Variants in ATP11C observed in about 807,000 individuals in gnomAD.
ATP11C encodes the protein phospholipid-transporting ATPase IG.
In ATP11C, 36 loss-of-function variants were observed where a neutral mutation model predicts 97.4. The observed-to-expected ratio is 0.37, with a 90% CI of 0.28 to 0.49. The LOEUF is 0.49. Among genes scored for constraint, ATP11C ranks in the 20% least tolerant of loss-of-function variants. The probability of loss-of-function intolerance (pLI) is 0.98; values close to 1 mark genes in which losing one functional copy is unlikely to be tolerated. For missense variants in ATP11C, 730 were observed against 824.6 expected, an observed-to-expected ratio of 0.89 and a Z score of 1.40; for synonymous variants, 275 against 290.9, an observed-to-expected ratio of 0.95 and a Z score of 0.56.
intron 13 of ATP11C, among the ~76,000 whole-genome samples, chrX:139,789,037 C>T (rs1256834373): frequency 9.1e-6 from 1 of 110,239 alleles, no homozygotes; most frequent in Non-Finnish European, 1.9e-5. Context: ...TCCGTTTCTA[C>T]TAAAAATACA....
intron 1 of ATP11C, among the ~76,000 whole-genome samples, chrX:139,863,032 G>C (rs934441785): frequency 9.0e-6 from 1 of 110,794 alleles, no homozygotes; most frequent in African/African-American, 3.3e-5. Context: ...GAGAAGAAAA[G>C]ACAAACAGGA....
At position 139,802,350 on chromosome X, in the gene ATP11C, G is replaced by A. The variant is rs1490132031; in HGVS notation, c.556-11C>T. The A allele has an allele frequency of 8.8e-7, 1 of 1,136,592 alleles. No individual in the cohort carries two copies. Among genetic ancestry groups the A allele is most frequent in the South Asian group, 1.9e-5 (1 of 51,497 alleles). The allele number at this position is 1,136,592 out of a possible 1,213,427, so 93.7% of individuals were successfully genotyped here. A position where few individuals can be genotyped will look rare whatever the true frequency, so the allele number is the denominator to read the frequency against. ...TACTGCATAATGTGTCTAGTTGAAA[G>A]CAGAAGAAAAAGTGAAAACCAAAAA... On this transcript the variant is annotated splice_polypyrimidine_tract_variant and intron_variant, in intron 6 of 29. Coordinates refer to ENST00000682941, the MANE Select transcript of ATP11C (RefSeq NM_001353812.2).
chrX:139,895,069 A>C (rs1234385294), intron 1 of ATP11C, among the ~76,000 whole-genome samples: 1 of 112,180 alleles, frequency 8.9e-6, no homozygotes, highest in Non-Finnish European at 1.9e-5. Context: ...AAAATTTTAA[A>C]AGTGAGTACT....
intron 2 of ATP11C, among the ~76,000 whole-genome samples, chrX:139,824,764 T>C (rs186773504): frequency 0.011 from 1,222 of 112,008 alleles, 10 homozygotes; most frequent in Non-Finnish European, 0.018. Flanking sequence ...CAGTGTTCCC[T>C]GCCTTAACAT....
At chrX:139,780,426 G>A (rs1399704143) in intron 18 of ATP11C, among the ~76,000 whole-genome samples, 3 of 109,564 alleles carry the variant, frequency 2.7e-5, no homozygotes, top group Non-Finnish European at 5.7e-5. Flanking sequence ...AATTCACCAC[G>A]TACGTAAAAT....
intron 1 of ATP11C, among the ~76,000 whole-genome samples, chrX:139,866,021 G>A (rs2084275557): frequency 9.0e-6 from 1 of 110,763 alleles, no homozygotes; most frequent in Non-Finnish European, 1.9e-5. Context: ...TATTTACTCT[G>A]TGCAGTAAAG....
intron 1 of ATP11C, among the ~76,000 whole-genome samples, chrX:139,915,275 AAAT>A (rs2085137637): frequency 8.9e-6 from 1 of 111,997 alleles, no homozygotes; most frequent in South Asian, 3.7e-4. Context: ...AAACTCACAA[AAAT>A]AATAACATTA....
intron 1 of ATP11C, among the ~76,000 whole-genome samples, chrX:139,888,933 G>A (rs1389329493): frequency 6.4e-5 from 7 of 109,958 alleles, no homozygotes; most frequent in Non-Finnish European, 1.1e-4. Flanking sequence ...CTCCGCCTCC[G>A]AGTAGCTGGG....
intron 1 of ATP11C, among the ~76,000 whole-genome samples, chrX:139,828,555 T>C (rs760453629): frequency 8.9e-6 from 1 of 112,120 alleles, no homozygotes; most frequent in South Asian, 3.8e-4. Flanking sequence ...TCTTATAATG[T>C]ACCAATTTGA....
chrX:139,885,973 G>C (rs956481602), intron 1 of ATP11C, among the ~76,000 whole-genome samples: 1 of 110,936 alleles, frequency 9.0e-6, no homozygotes, highest in Non-Finnish European at 1.9e-5. Flanking sequence ...CAGGAAGAAG[G>C]CAGGGAATCC....
At chrX:139,801,153 G>A (rs2082919643) in intron 7 of ATP11C, among the ~76,000 whole-genome samples, 1 of 111,988 alleles carries the variant, frequency 8.9e-6, no homozygotes. Context: ...AAAAATGTGG[G>A]GATTTCCCTA....
At chrX:139,748,368 G>A (rs928073319) in intron 24 of ATP11C, among the ~76,000 whole-genome samples, 5 of 110,695 alleles carry the variant, frequency 4.5e-5, no homozygotes, top group African/African-American at 1.6e-4. Flanking sequence ...GACGGAATGG[G>A]AGGAATTCTG....
Position 139,785,217 on chromosome X carries a change from G to A in ATP11C, c.1666+9C>T. The stretch of plus-strand genomic sequence containing the variant: ...CAAAGAGAAAAATTCAAGCTTTTCA[G>A]ACATGTACCTTCTTGAGTCTTCACA... On this transcript the variant is annotated intron_variant, in intron 16 of 29. Transcript: ENST00000682941. The A allele has an allele frequency of 8.4e-7, 1 of 1,190,533 alleles. No homozygotes were observed. The highest frequency in any genetic ancestry group is 1.1e-6 in the Non-Finnish European group (1 of 881,235).
At chrX:139,808,268 T>C (rs949602822) in intron 5 of ATP11C, among the ~76,000 whole-genome samples, 1 of 111,178 alleles carries the variant, frequency 9.0e-6, no homozygotes, top group Non-Finnish European at 1.9e-5. Flanking sequence ...AACAGTATAA[T>C]AGTCATGTAA....
rs145093584 is a variant in ATP11C at position 139,843,353 on chromosome X, T to C, written c.28-16530A>G. Among the ~76,000 whole-genome samples, 355 of 111,990 alleles carry C rather than the reference T, an allele frequency of 3.2e-3. 1 individual carries two copies. The highest frequency in any genetic ancestry group is 0.011 in the African/African-American group (336 of 30,821). ...AACAGATATGGCTCACTCATTTGAT[T>C]AAACAGGCCTAGCCCCAAAATCAGA... On this transcript the variant is annotated intron_variant, in intron 1 of 29. Transcript: ENST00000682941.
At chrX:139,889,425 G>A (rs1179099030) in intron 1 of ATP11C, among the ~76,000 whole-genome samples, 2 of 111,799 alleles carry the variant, frequency 1.8e-5, no homozygotes, top group Non-Finnish European at 3.8e-5. Context: ...TTAGGGAGGG[G>A]ACTGACTACA....
chrX:139,785,930 C>T (rs1187345938), intron 15 of ATP11C, among the ~76,000 whole-genome samples: 1 of 111,031 alleles, frequency 9.0e-6, no homozygotes, highest in African/African-American at 3.3e-5. Context: ...GGAATGAGCA[C>T]GGCAGCATGA....
chrX:139,920,249 T>C (rs1345368395), intron 1 of ATP11C, among the ~76,000 whole-genome samples: 3 of 107,774 alleles, frequency 2.8e-5, no homozygotes, highest in Admixed American at 2.0e-4. Flanking sequence ...CCAAGCTACT[T>C]TGGAGGCTGA....
intron 22 of ATP11C, 43 bp downstream of exon 22, chrX:139,761,918 C>A (rs2082045825): frequency 1.0e-6 from 1 of 994,201 alleles, no homozygotes; most frequent in Non-Finnish European, 1.3e-6. Flanking sequence ...TGAGCCAATG[C>A]TGGATTAAAA....
Sources: allele counts gnomAD v4.1 joint callset (sites outside exome capture counted in the v4.1 genomes callset), GRCh38; gene constraint gnomAD v4.1.1; transcripts MANE v1.5; gene names NCBI Gene and HGNC (gene_info 2026-07-23, HGNC 2026-07-21).